Variants in OPRM1 observed in about 807,000 individuals in gnomAD.
The protein encoded by OPRM1 is opioid receptor mu 1.
OPRM1 carries 27 observed loss-of-function variants against 31.8 expected under a neutral mutation model. That is an observed-to-expected ratio of 0.85 (90% CI 0.63 to 1.17). OPRM1 has a LOEUF of 1.17. OPRM1 is among the 50% of genes most tolerant of loss of function. The pLI, the probability that OPRM1 is intolerant of heterozygous loss-of-function variation, is 0.00. For synonymous variants in OPRM1, 196 were observed against 189.9 expected (o/e 1.03, Z -0.26); for missense variants, 536 against 511.1 (o/e 1.05, Z -0.47).
intron 3 of OPRM1, among the ~76,000 whole-genome samples, chr6:154,170,584 AC>A (rs746833189): frequency 5.3e-5 from 8 of 152,360 alleles, no homozygotes; most frequent in African/African-American, 7.2e-5. Context: ...AAACCGTCTC[AC>A]AAAAGGGAAG....
downstream of OPRM1, among the ~76,000 whole-genome samples, chr6:154,133,962 A>G (rs1797993326): frequency 6.6e-6 from 1 of 152,202 alleles, no homozygotes; most frequent in Non-Finnish European, 1.5e-5. Flanking sequence ...GGTTTGGTTG[A>G]CTGGGACATA....
At chr6:154,140,082 C>T (rs200556658) in intron 3 of OPRM1, among the ~76,000 whole-genome samples, 1 of 152,166 alleles carries the variant, frequency 6.6e-6, no homozygotes, top group East Asian at 1.9e-4. Context: ...CACTCTCAAG[C>T]TATGACTCAG....
chr6:154,181,260 G>A (rs1367524568), intron 3 of OPRM1, among the ~76,000 whole-genome samples: 1 of 152,178 alleles, frequency 6.6e-6, no homozygotes, highest in Non-Finnish European at 1.5e-5. Context: ...TAATTTGAGA[G>A]AGAAATCTCC....
chr6:154,039,315 C>T lies in OPRM1; in HGVS notation c.-230C>T, dbSNP rs1779536271. 2 of 1,550,576 alleles carry T rather than the reference C, an allele frequency of 1.3e-6. No homozygotes were observed. Among genetic ancestry groups the T allele is most frequent in the Non-Finnish European group, 8.7e-7 (1 of 1,146,488 alleles). ...CAGCGGTGCGGGGCAGGTGATGAGC[C>T]TCTGTGAACTACTAAGGTGGGAGGG... On this transcript the variant is annotated 5_prime_UTR_variant, in exon 1 of 4. Transcript: ENST00000330432.
intron 3 of OPRM1, among the ~76,000 whole-genome samples, chr6:154,227,145 A>T (rs1340029166): frequency 6.6e-6 from 1 of 152,166 alleles, no homozygotes; most frequent in African/African-American, 2.4e-5. Flanking sequence ...CAGAGGTTGC[A>T]GTGAGCCAAG....
At position 154,213,950 on chromosome 6, in the gene OPRM1, G is replaced by A. The variant is rs142099716; in HGVS notation, c.1165-32743G>A. On this transcript the variant is annotated intron_variant, in intron 3 of 3. Coordinates refer to the OPRM1 transcript ENST00000337049. The stretch of plus-strand genomic sequence containing the variant: ...AGTGGAGCAATTAAACATTTGCATC[G>A]GTGACTGTTTGAGATGTCATGAAGC... Among the ~76,000 whole-genome samples, 230 of 152,286 alleles carry A rather than the reference G, an allele frequency of 1.5e-3. 4 individuals are homozygous for A. The highest frequency in any genetic ancestry group is 0.014 in the Admixed American group (220 of 15,296).
At chr6:154,220,351 C>G (rs1397060697) in intron 3 of OPRM1, among the ~76,000 whole-genome samples, 1 of 152,200 alleles carries the variant, frequency 6.6e-6, no homozygotes, top group Non-Finnish European at 1.5e-5. Flanking sequence ...ACCTCAAATA[C>G]AGCCTGATTC....
chr6:154,229,175 A>T (rs540495524), intron 3 of OPRM1, among the ~76,000 whole-genome samples: 1 of 152,196 alleles, frequency 6.6e-6, no homozygotes, highest in Admixed American at 6.5e-5. Context: ...GATTGTGAGT[A>T]CCTTGAAGGA....
intron 3 of OPRM1, chr6:154,108,298 C>G (rs1161363241): frequency 1.0e-5 from 3 of 300,784 alleles, no homozygotes; most frequent in African/African-American, 6.5e-5. Flanking sequence ...CGACCTCTGA[C>G]TTGCAGTTTC....
rs557300465 is a variant in OPRM1 at position 154,010,912 on chromosome 6, C to T, written c.-107C>T. On this transcript the variant is annotated 5_prime_UTR_variant, in exon 1 of 6. Coordinates refer to the OPRM1 transcript ENST00000434900. Reference sequence around the variant, plus strand: ...CTATGAGAAGGACCAGCCCTTACATCCCATCAAAATGTTTCCTGGAAACCT... The same window carrying T: ...CTATGAGAAGGACCAGCCCTTACATTCCATCAAAATGTTTCCTGGAAACCT... 1.0e-4 allele frequency: 134 copies of T among 1,314,298 alleles called. 2 individuals are homozygous for T. The South Asian group carries it at 1.7e-3, about 16-fold the overall frequency. 81.4% of individuals were successfully genotyped at this position (1,314,298 alleles called of 1,614,324 possible). A position where few individuals can be genotyped will look rare whatever the true frequency, so the allele number is the denominator to read the frequency against.
At chr6:154,207,323 C>A (rs1396490972) in intron 3 of OPRM1, among the ~76,000 whole-genome samples, 1 of 152,160 alleles carries the variant, frequency 6.6e-6, no homozygotes, top group Non-Finnish European at 1.5e-5. Context: ...GGCTTACAAT[C>A]ATTTTTTGAA....
chr6:154,152,390 A>AAAAGAAAGAGAGAG (rs1798560023), intron 3 of OPRM1, among the ~76,000 whole-genome samples: 1 of 126,198 alleles, frequency 7.9e-6, no homozygotes, highest in Non-Finnish European at 1.7e-5. Flanking sequence ...GAAAGAAAGA[A>AAAAGAAAGAGAGAG]AGAGAAATAG....
At chr6:154,163,610 C>T (rs1799198037) in intron 3 of OPRM1, among the ~76,000 whole-genome samples, 1 of 152,044 alleles carries the variant, frequency 6.6e-6, no homozygotes, top group Admixed American at 6.6e-5. Context: ...GCCCCAAGTG[C>T]CTGAAAGAAT....
At chr6:154,197,419 A>C (rs1370684364) in intron 3 of OPRM1, among the ~76,000 whole-genome samples, 5 of 152,236 alleles carry the variant, frequency 3.3e-5, no homozygotes, top group African/African-American at 1.2e-4. Context: ...CAGCAGCAGA[A>C]GAAAATCATC....
chr6:154,027,352 C>T (rs546525620), intron 1 of OPRM1, among the ~76,000 whole-genome samples: 18 of 152,256 alleles, frequency 1.2e-4, no homozygotes, highest in African/African-American at 3.4e-4. Context: ...CTGTTCTGAG[C>T]GATGTGGAGC....
chr6:154,039,426 G>C lies in OPRM1; in HGVS notation c.-119G>C. The C allele has an allele frequency of 1.3e-6, 2 of 1,551,298 alleles. No homozygotes were observed. Among genetic ancestry groups the C allele is most frequent in the Non-Finnish European group, 1.7e-6 (2 of 1,146,770 alleles). On this transcript the variant is annotated 5_prime_UTR_variant, in exon 1 of 4. Transcript: ENST00000330432. ...TCTGTCTCAGCCAGGACTGGTTTCT[G>C]TAAGAAACAGCAGGAGCTGTGGCAG...
chr6:154,169,392 G>GT (rs1437559446), intron 3 of OPRM1, among the ~76,000 whole-genome samples: 3 of 152,166 alleles, frequency 2.0e-5, no homozygotes, highest in Admixed American at 2.0e-4. Flanking sequence ...TCTAAACCAG[G>GT]TATTGCTGAA....
At chr6:154,010,613 AAT>A in exon 1 of OPRM1, 1 of 1,520,688 alleles carries the variant, frequency 6.6e-7, no homozygotes, top group Non-Finnish European at 8.9e-7. Context: ...GATCTGTCAC[AAT>A]ATTGTATGCC....
intron 3 of OPRM1, among the ~76,000 whole-genome samples, chr6:154,152,365 A>AAAGG (rs1798553123): frequency 6.7e-6 from 1 of 148,930 alleles, no homozygotes; most frequent in Admixed American, 6.6e-5. Context: ...AGAAAGAAAG[A>AAAGG]AAGAAAGAAA....
Sources: allele counts gnomAD v4.1 joint callset (sites outside exome capture counted in the v4.1 genomes callset), GRCh38; gene constraint gnomAD v4.1.1; transcripts MANE v1.5; gene names NCBI Gene and HGNC (gene_info 2026-07-23, HGNC 2026-07-21).